The following VWA8 variants were observed in gnomAD, a reference collection of about 807,000 sequenced individuals.
The protein encoded by VWA8 is von Willebrand factor A domain-containing protein 8.
A neutral mutation model predicts 241.5 loss-of-function variants in VWA8; 221 were observed. The ratio of observed to expected loss-of-function variants is 0.91; its 90% CI spans 0.82 to 1.02. The LOEUF (loss-of-function observed/expected upper bound fraction) is 1.02. Among genes scored for constraint, VWA8 ranks in the 50% least tolerant of loss-of-function variants. The pLI is 0.00. For missense variants in VWA8, 2,322 were observed against 2,328.7 expected (o/e 1.00, Z 0.06); for synonymous variants, 852 against 827.1 (o/e 1.03, Z -0.52).
chr13:41,573,711 G>A (rs560174607), intron 43 of VWA8, among the ~76,000 whole-genome samples: 19 of 151,354 alleles, frequency 1.3e-4, no homozygotes, highest in East Asian at 1.9e-4. Flanking sequence ...TCTGCCTCCC[G>A]GGTTCGGGCG....
intron 1 of VWA8, among the ~76,000 whole-genome samples, chr13:41,955,489 G>T (rs1401049364): frequency 1.3e-5 from 2 of 152,104 alleles, no homozygotes; most frequent in Non-Finnish European, 2.9e-5. Context: ...CATTCATTGA[G>T]CATTCAATGG....
At chr13:41,886,261 A>G (rs1051414222) in intron 7 of VWA8, among the ~76,000 whole-genome samples, 8 of 152,116 alleles carry the variant, frequency 5.3e-5, no homozygotes, top group Non-Finnish European at 1.0e-4. Context: ...CCTGGTCCAA[A>G]TCTACCCTGC....
At chr13:41,882,474 G>T (rs1211195109) in intron 9 of VWA8, among the ~76,000 whole-genome samples, 1 of 152,144 alleles carries the variant, frequency 6.6e-6, no homozygotes, top group Non-Finnish European at 1.5e-5. Context: ...GGAGGTTGTA[G>T]CGAGCCGAGA....
chr13:41,903,993 G>A (rs1430361976), intron 4 of VWA8, among the ~76,000 whole-genome samples: 2 of 152,162 alleles, frequency 1.3e-5, no homozygotes, highest in Non-Finnish European at 2.9e-5. Flanking sequence ...GTAAATAACA[G>A]ATGCTCATCA....
chr13:41,725,116 T>A (rs1403597456), intron 24 of VWA8, among the ~76,000 whole-genome samples: 1 of 150,956 alleles, frequency 6.6e-6, no homozygotes, highest in East Asian at 2.0e-4. Flanking sequence ...TAGGACAAGC[T>A]AAGAGAGGAA....
chr13:41,693,388 GCT>G (rs887816437), intron 29 of VWA8, among the ~76,000 whole-genome samples: 2 of 151,974 alleles, frequency 1.3e-5, no homozygotes, highest in African/African-American at 4.8e-5. Context: ...CTTAGAGAAT[GCT>G]CAGTTGAAAG....
intron 2 of VWA8, among the ~76,000 whole-genome samples, chr13:41,916,909 G>A (rs1593867736): frequency 6.6e-6 from 1 of 152,220 alleles, no homozygotes; most frequent in East Asian, 1.9e-4. Context: ...AATGTTTTCA[G>A]GCACAAAATG....
chr13:41,605,204 C>T lies in VWA8; in HGVS notation c.4950G>A (p.Gln1650=). The T allele has an allele frequency of 6.2e-7, 1 of 1,613,200 alleles. No homozygotes were observed. The highest frequency in any genetic ancestry group is 1.7e-5 in the Admixed American group (1 of 59,956). The part of the protein sequence containing the change: ...YERFSGAVRR[Q]VHSLRIILDN... Reference sequence around the variant, plus strand: ...CCAGGATGATTCGGAGGGAGTGCACCTGTCGCCGAACAGCACCTGAAAACC... The same window carrying T: ...CCAGGATGATTCGGAGGGAGTGCACTTGTCGCCGAACAGCACCTGAAAACC... Residue 1650 remains glutamine, a synonymous_variant, in exon 40 of 45, where the codon CAG becomes CAA. Coordinates refer to ENST00000379310, the MANE Select transcript of VWA8 (RefSeq NM_015058.2).
Position 41,729,600 on chromosome 13 carries a change from T to A in VWA8, c.2580A>T (p.Leu860Phe), listed in dbSNP as rs370007433. The A allele has an allele frequency of 1.9e-6, 3 of 1,613,208 alleles. No homozygotes were observed. Among genetic ancestry groups the A allele is most frequent in the East Asian group, 2.2e-5 (1 of 44,838 alleles). The change falls in exon 23 of 45, where the codon TTA becomes TTT. Residue 860 changes from leucine to phenylalanine, a missense_variant. Coordinates refer to ENST00000379310, the MANE Select transcript of VWA8 (RefSeq NM_015058.2). ...DKAPTNVTCI[L>F]KTLVENGEMI... ...TTTCTCCATTTTCTACTAGAGTTTT[T>A]AAAATACACGTGACATTTGTTGGAG...
chr13:41,607,072 T>C (rs1307108911), intron 39 of VWA8, among the ~76,000 whole-genome samples: 2 of 152,182 alleles, frequency 1.3e-5, no homozygotes, highest in Non-Finnish European at 1.5e-5. Context: ...ATAGGATAAC[T>C]GAACCAAAAA....
intron 19 of VWA8, 36 bp downstream of exon 19, chr13:41,783,759 A>T: frequency 6.8e-7 from 1 of 1,471,398 alleles, no homozygotes. Flanking sequence ...CCACAATTTA[A>T]GTGATTTATC....
At chr13:41,701,367 A>G (rs764028324) in intron 28 of VWA8, 25 bp downstream of exon 28, 1 of 1,539,668 alleles carries the variant, frequency 6.5e-7, no homozygotes, top group South Asian at 1.3e-5. Flanking sequence ...CAGGAAGGAA[A>G]GATCAAAAGA....
At position 41,719,744 on chromosome 13, in the gene VWA8, T is replaced by C. The variant is rs150315507; in HGVS notation, c.2965-2A>G. On this transcript the variant is annotated splice_acceptor_variant, in intron 25 of 44. Coordinates refer to ENST00000379310, the MANE Select transcript of VWA8 (RefSeq NM_015058.2). LOFTEE classifies it high-confidence loss of function. ...GGAGAGACCTTCAGTCGGAAATTTCTGTATTAAAAAAAAATTCCCTTATTA... is the reference window on the plus strand; with the variant it reads ...GGAGAGACCTTCAGTCGGAAATTTCCGTATTAAAAAAAAATTCCCTTATTA... The C allele has an allele frequency of 3.9e-5, 63 of 1,600,502 alleles. No homozygotes were observed. In the African/African-American group the frequency reaches 7.3e-4, roughly 19 times the overall value.
intron 2 of VWA8, 70 bp from the exon 3 acceptor site, chr13:41,912,238 T>A: frequency 7.9e-7 from 1 of 1,262,522 alleles, no homozygotes; most frequent in South Asian, 1.8e-5. Flanking sequence ...CCAAGTAATG[T>A]GGACATATTT....
At chr13:41,637,829 C>G (rs1271959273) in intron 37 of VWA8, among the ~76,000 whole-genome samples, 3 of 152,152 alleles carry the variant, frequency 2.0e-5, no homozygotes, top group Non-Finnish European at 2.9e-5. Flanking sequence ...TTGTCTCTCT[C>G]TTTTTAAAGA....
intron 37 of VWA8, among the ~76,000 whole-genome samples, chr13:41,643,929 A>C (rs759742602): frequency 4.6e-5 from 7 of 152,128 alleles, no homozygotes; most frequent in African/African-American, 9.7e-5. Flanking sequence ...ACATTACCAC[A>C]AGGAAACATA....
rs1304035065 is a variant in VWA8, at chr13:41,622,826, A to G, written c.4612-7742T>C. On this transcript the variant is annotated intron_variant, in intron 37 of 44. Coordinates refer to ENST00000379310, the MANE Select transcript of VWA8 (RefSeq NM_015058.2). ...TTAAAAGCCATCAATAAAATGATAT[A>G]AATAGCCAGATTATAATCCTGGAAG... 5.3e-5 allele frequency among the ~76,000 whole-genome samples: 8 copies of G among 152,328 alleles called. No homozygotes were observed. In the East Asian group the frequency reaches 1.5e-3, roughly 29 times the overall value.
intron 26 of VWA8, among the ~76,000 whole-genome samples, chr13:41,711,766 T>C (rs981001441): frequency 2.0e-5 from 3 of 151,744 alleles, no homozygotes; most frequent in Non-Finnish European, 2.9e-5. Flanking sequence ...CCCAGCTACT[T>C]GGGAGGCTGA....
rs773104582 is a variant in VWA8 at position 41,868,365 on chromosome 13, T to A, written c.1193A>T (p.Asp398Val). The A allele has an allele frequency of 6.2e-6, 10 of 1,613,984 alleles. No homozygotes were observed. In the Admixed American group the frequency reaches 1.7e-4, roughly 27 times the overall value. Residue 398 changes from aspartate to valine, a missense_variant, in exon 10 of 45, where the codon GAT (aspartate) becomes GTT (valine). Coordinates refer to ENST00000379310, the MANE Select transcript of VWA8 (RefSeq NM_015058.2). ...AATTACCTTAATGGTCACCTCTTTA[T>A]CTGCAATCCGGATGGTCACAGAAGC... is the stretch of plus-strand genomic sequence containing the variant. ...SQASVTIRIADKEVTIKVPAG... is the reference protein window; with the variant it reads ...SQASVTIRIAVKEVTIKVPAG...
Sources: gnomAD v4.1 joint callset for allele counts (sites outside exome capture counted in the v4.1 genomes callset) on GRCh38, gnomAD v4.1.1 for gene constraint, MANE v1.5 for transcripts, NCBI Gene and HGNC (gene_info 2026-07-23, HGNC 2026-07-21) for gene names.